The following CWC27 variants were observed in gnomAD, a reference collection of about 807,000 sequenced individuals.
CWC27 encodes spliceosome-associated protein CWC27 homolog.
In CWC27, 47 loss-of-function variants were observed where a neutral mutation model predicts 63.6. That is an observed-to-expected ratio of 0.74 (90% CI 0.58 to 0.94). The LOEUF is 0.94. Ranked by LOEUF, CWC27 falls within the 40% of genes least tolerant of loss-of-function variation. CWC27 has a pLI of 0.00. For synonymous variants in CWC27, 175 were observed against 179.8 expected, an observed-to-expected ratio of 0.97 and a Z score of 0.22; for missense variants, 495 against 554.3, an observed-to-expected ratio of 0.89 and a Z score of 1.07.
intron 11 of CWC27, among the ~76,000 whole-genome samples, chr5:64,945,418 G>A (rs765635352): frequency 2.0e-5 from 3 of 152,060 alleles, no homozygotes; most frequent in Non-Finnish European, 4.4e-5. Context: ...ACTCTAAAAG[G>A]CTTAAAACAT....
intron 2 of CWC27, among the ~76,000 whole-genome samples, chr5:64,776,078 AG>A (rs1743434611): frequency 3.7e-5 from 1 of 27,084 alleles, no homozygotes; most frequent in African/African-American, 1.4e-4. Context: ...CGAGAGAGAG[AG>A]AGAGAGAGAG....
At chr5:64,902,345 C>A (rs1424828562) in intron 11 of CWC27, among the ~76,000 whole-genome samples, 1 of 152,094 alleles carries the variant, frequency 6.6e-6, no homozygotes. Context: ...CTTATGACAC[C>A]ACCTTTGTGT....
In CWC27 at chr5:64,856,468, ATG is replaced by A. The variant is rs10640210; in HGVS notation, c.939-28957_939-28956del. On this transcript the variant is annotated intron_variant, in intron 10 of 13. Coordinates refer to ENST00000381070, the MANE Select transcript of CWC27 (RefSeq NM_005869.4). Reference sequence around the variant, plus strand: ...AGAAACTTAGTGTATGTGTGTGTGTATGTGTGTGTGTGTGTGTGTATGTGTGT... The same window carrying A: ...AGAAACTTAGTGTATGTGTGTGTGTATGTGTGTGTGTGTGTGTATGTGTGT... Among the ~76,000 whole-genome samples the A allele has an allele frequency of 2.8e-3, 415 of 149,454 alleles. 1 individual carries two copies. Among genetic ancestry groups the A allele is most frequent in the African/African-American group, 8.8e-3 (362 of 41,014 alleles).
chr5:64,775,492 G>A (rs1011876004), intron 2 of CWC27, among the ~76,000 whole-genome samples: 15 of 151,824 alleles, frequency 9.9e-5, no homozygotes, highest in African/African-American at 3.4e-4. Context: ...TTTCCTTTCC[G>A]TTTCCACTTT....
At chr5:64,980,467 G>A (rs1356998014) in intron 13 of CWC27, among the ~76,000 whole-genome samples, 1 of 152,130 alleles carries the variant, frequency 6.6e-6, no homozygotes, top group Admixed American at 6.6e-5. Flanking sequence ...AACAAAATTG[G>A]CATTTCTAAG....
At chr5:64,822,503 G>C (rs1387987081) in intron 10 of CWC27, among the ~76,000 whole-genome samples, 3 of 152,206 alleles carry the variant, frequency 2.0e-5, no homozygotes, top group Non-Finnish European at 4.4e-5. Context: ...AATGGGTGGG[G>C]AAGGGAATTT....
At chr5:64,894,427 A>G (rs568340747) in intron 11 of CWC27, among the ~76,000 whole-genome samples, 2 of 152,268 alleles carry the variant, frequency 1.3e-5, no homozygotes, top group African/African-American at 4.8e-5. Context: ...ATTAAAATCT[A>G]CTTTGGTTTT....
intron 11 of CWC27, among the ~76,000 whole-genome samples, chr5:64,932,118 A>G (rs1748248899): frequency 6.6e-6 from 1 of 152,158 alleles, no homozygotes; most frequent in Admixed American, 6.5e-5. Flanking sequence ...TTTAATCTTT[A>G]AAACAATAAG....
intron 13 of CWC27, among the ~76,000 whole-genome samples, chr5:65,006,935 T>C (rs1485597486): frequency 7.8e-6 from 1 of 128,384 alleles, no homozygotes; most frequent in Non-Finnish European, 1.7e-5. Context: ...CCCCCAAACC[T>C]AAAATACACG....
chr5:64,840,141 G>A (rs1202389150), intron 10 of CWC27, among the ~76,000 whole-genome samples: 2 of 151,538 alleles, frequency 1.3e-5, no homozygotes, highest in African/African-American at 4.8e-5. Context: ...CAGTGTGGTG[G>A]GAAAAAGTGG....
At chr5:64,769,914 A>T (rs905308037) in intron 1 of CWC27, among the ~76,000 whole-genome samples, 1 of 152,186 alleles carries the variant, frequency 6.6e-6, no homozygotes, top group Non-Finnish European at 1.5e-5. Context: ...CCCATCCAAG[A>T]TGTTTGTATG....
chr5:64,814,915 G>T (rs1201147772), intron 10 of CWC27, among the ~76,000 whole-genome samples: 3 of 152,038 alleles, frequency 2.0e-5, no homozygotes, highest in Non-Finnish European at 4.4e-5. Context: ...GAGATATTAA[G>T]GAGGTAGATT....
chr5:64,784,859 T>C (rs1158421841), intron 4 of CWC27, among the ~76,000 whole-genome samples: 2 of 152,204 alleles, frequency 1.3e-5, no homozygotes, highest in African/African-American at 2.4e-5. Flanking sequence ...GTCTGATGTT[T>C]ATAGATTCCC....
At position 64,886,996 on chromosome 5, in the gene CWC27, A is replaced by G. The variant is rs116724216; in HGVS notation, c.1042+1450A>G. Among the ~76,000 whole-genome samples the G allele has an allele frequency of 8.5e-3, 1,289 of 152,240 alleles. 19 individuals carry two copies. Among genetic ancestry groups the G allele is most frequent in the Middle Eastern group, 0.031 (9 of 294 alleles). ...TTTCTTATAATTAAAAGTATTTTAA[A>G]TATATGAAAATAATTTCAACTAGAA... is the stretch of plus-strand genomic sequence containing the variant. On this transcript the variant is annotated intron_variant, in intron 11 of 13. Coordinates refer to ENST00000381070, the MANE Select transcript of CWC27 (RefSeq NM_005869.4).
intron 10 of CWC27, among the ~76,000 whole-genome samples, chr5:64,862,783 A>G (rs559254239): frequency 7.2e-4 from 110 of 152,284 alleles, no homozygotes; most frequent in Non-Finnish European, 1.5e-3. Flanking sequence ...ACAAGAAAAG[A>G]GAAATTTCTT....
chr5:64,821,838 C>A (rs1396946808), intron 10 of CWC27, among the ~76,000 whole-genome samples: 1 of 152,124 alleles, frequency 6.6e-6, no homozygotes, highest in Non-Finnish European at 1.5e-5. Flanking sequence ...CCATATTATA[C>A]CTCCGTTGAG....
intron 10 of CWC27, among the ~76,000 whole-genome samples, chr5:64,868,043 G>A (rs1746573257): frequency 6.6e-6 from 1 of 151,840 alleles, no homozygotes; most frequent in South Asian, 2.1e-4. Flanking sequence ...GTATTGTGCT[G>A]CAGATTCTGA....
At chr5:65,007,858 G>A (rs969171686) in intron 13 of CWC27, among the ~76,000 whole-genome samples, 1 of 152,180 alleles carries the variant, frequency 6.6e-6, no homozygotes, top group Middle Eastern at 3.4e-3. Context: ...TCAATCTCCT[G>A]ACCTCGTGAT....
intron 10 of CWC27, among the ~76,000 whole-genome samples, chr5:64,836,622 T>G (rs1460580090): frequency 1.3e-5 from 2 of 152,010 alleles, no homozygotes; most frequent in African/African-American, 4.8e-5. Flanking sequence ...CTCATTCACA[T>G]CAAGCCTAAT....
Sources: allele counts gnomAD v4.1 joint callset (sites outside exome capture counted in the v4.1 genomes callset), GRCh38; gene constraint gnomAD v4.1.1; transcripts MANE v1.5; gene names NCBI Gene and HGNC (gene_info 2026-07-23, HGNC 2026-07-21).